The following MICAL3 variants were observed in gnomAD, a reference collection of about 807,000 sequenced individuals.
MICAL3 encodes the protein microtubule associated monooxygenase, calponin and LIM domain containing 3.
A neutral mutation model predicts 207.4 loss-of-function variants in MICAL3; 62 were observed. The ratio of observed to expected loss-of-function variants is 0.30; its 90% CI spans 0.24 to 0.37. The LOEUF is 0.37. Among genes scored for constraint, MICAL3 ranks in the 10% least tolerant of loss-of-function variants. MICAL3 has a pLI of 1.00. For missense variants in MICAL3, 2,368 were observed against 2,635.6 expected, an observed-to-expected ratio of 0.90 and a Z score of 2.22; for synonymous variants, 1,077 against 1,069.3, an observed-to-expected ratio of 1.01 and a Z score of -0.14.
chr22:17,816,028 G>C (rs1353581140), intron 27 of MICAL3, among the ~76,000 whole-genome samples: 1 of 152,252 alleles, frequency 6.6e-6, no homozygotes, highest in Non-Finnish European at 1.5e-5. Context: ...ACAGGCCCCA[G>C]GGCTGGACAG....
chr22:17,810,657 C>T, intron 28 of MICAL3, 46 bp downstream of exon 28: 2 of 1,481,086 alleles, frequency 1.4e-6, no homozygotes, highest in Non-Finnish European at 1.9e-6. Context: ...AGATGCTGCC[C>T]AACCCTCCCA....
At chr22:17,958,534 C>G (rs952042550) in intron 1 of MICAL3, among the ~76,000 whole-genome samples, 1 of 152,156 alleles carries the variant, frequency 6.6e-6, no homozygotes, top group Non-Finnish European at 1.5e-5. Context: ...GCTCCCCTAC[C>G]CCAAAAACCA....
intron 1 of MICAL3, among the ~76,000 whole-genome samples, chr22:17,933,759 TCAAA>T (rs1933384182): frequency 6.6e-6 from 1 of 151,458 alleles, no homozygotes; most frequent in South Asian, 2.1e-4. Context: ...GAGAGAAGAA[TCAAA>T]CAGACACAAT....
intron 29 of MICAL3, among the ~76,000 whole-genome samples, chr22:17,801,720 C>A (rs972976922): frequency 2.0e-5 from 3 of 151,838 alleles, no homozygotes; most frequent in Non-Finnish European, 4.4e-5. Context: ...ATGGTGAAAC[C>A]CCGTCTCTAC....
intron 1 of MICAL3, among the ~76,000 whole-genome samples, chr22:17,981,350 A>G (rs73392403): frequency 0.048 from 7,306 of 152,096 alleles, 569 homozygotes; most frequent in African/African-American, 0.17. Context: ...AAGGAATAAA[A>G]CAAAAGTGAA....
chr22:17,971,711 T>A (rs1243635366), intron 1 of MICAL3, among the ~76,000 whole-genome samples: 1 of 152,190 alleles, frequency 6.6e-6, no homozygotes, highest in Non-Finnish European at 1.5e-5. Context: ...AATATATAGA[T>A]ACATCCATAC....
At chr22:17,977,125 T>A (rs369224100) in intron 1 of MICAL3, among the ~76,000 whole-genome samples, 1 of 152,080 alleles carries the variant, frequency 6.6e-6, no homozygotes, top group East Asian at 1.9e-4. Context: ...AATAGAAACA[T>A]CTGAAAGCAC....
At chr22:17,913,858 T>C (rs1428787555) in intron 1 of MICAL3, among the ~76,000 whole-genome samples, 1 of 152,118 alleles carries the variant, frequency 6.6e-6, no homozygotes, top group Non-Finnish European at 1.5e-5. Flanking sequence ...GTCTGAATCA[T>C]AGCGAGGCAC....
Position 17,818,975 on chromosome 22 carries a change from G to A in MICAL3, c.3686C>T (p.Thr1229Ile), listed in dbSNP as rs1275734219. ...GACAGGAGTCCTAGCTTCTGGCAGG[G>A]TCACTGGCTGTGATCGGATGGGAGA... ...VHSPIRSQPV[T>I]LPEARTPVSP... The change falls in exon 26 of 32, where the codon ACC (threonine) becomes ATC (isoleucine). Residue 1229 changes from threonine to isoleucine, a missense_variant. Around this residue, in one of 4 missense-constraint regions of MICAL3, gnomAD observed 1,770 missense variants for 1,863.2 expected, o/e 0.95. Transcript: ENST00000441493. 1.2e-6 allele frequency: 2 copies of A among 1,608,300 alleles called. No individual in the cohort carries two copies. Among genetic ancestry groups the A allele is most frequent in the Non-Finnish European group, 1.7e-6 (2 of 1,177,546 alleles).
intron 16 of MICAL3, chr22:17,876,453 T>A (rs1278608418): frequency 6.6e-6 from 1 of 152,386 alleles, no homozygotes; most frequent in Non-Finnish European, 1.5e-5. Flanking sequence ...CGACATAGAC[T>A]GGCAGTTACC....
rs1444102833 is a variant in MICAL3 at position 17,893,859 on chromosome 22, C to T, written c.1495G>A (p.Glu499Lys). ...CGGGAATTCACCAGGCTCTCCATTT[C>T]CAGGTGAATATCTTTTGTTTCGCCA... ...DTGETKDIHL[E>K]MESLVNSRTT... is the part of the protein sequence containing the mutation. Residue 499 changes from glutamate (E) to lysine (K), a missense_variant, in exon 11 of 32, where the codon GAA (glutamate) becomes AAA (lysine). Glu to Lys is a moderately conservative substitution (Grantham distance 56). Around this residue, in one of 4 missense-constraint regions of MICAL3, gnomAD observed 147 missense variants for 137.7 expected, o/e 1.07. Coordinates refer to ENST00000441493, the MANE Select transcript of MICAL3 (RefSeq NM_015241.3). The T allele has an allele frequency of 6.4e-7, 1 of 1,574,432 alleles. No individual in the cohort carries two copies. Among genetic ancestry groups the T allele is most frequent in the Admixed American group, 1.8e-5 (1 of 54,678 alleles).
At chr22:17,987,058 C>T (rs769513056) in intron 1 of MICAL3, among the ~76,000 whole-genome samples, 2 of 151,698 alleles carry the variant, frequency 1.3e-5, no homozygotes, top group African/African-American at 2.4e-5. Flanking sequence ...GGCAACACAG[C>T]GAGACCCCAT....
At chr22:17,863,805 C>T in intron 19 of MICAL3, 2 of 985,466 alleles carry the variant, frequency 2.0e-6, no homozygotes, top group Non-Finnish European at 2.4e-6. Context: ...TCGTTGAAGG[C>T]CAAATGGGTA....
chr22:17,801,669 G>A (rs1601928568), intron 29 of MICAL3, among the ~76,000 whole-genome samples: 1 of 151,396 alleles, frequency 6.6e-6, no homozygotes, highest in African/African-American at 2.4e-5. Flanking sequence ...TGAGGCGGGC[G>A]GATCACCTGA....
intron 19 of MICAL3, among the ~76,000 whole-genome samples, chr22:17,850,710 C>A (rs1337479844): frequency 6.6e-6 from 1 of 152,026 alleles, no homozygotes; most frequent in Non-Finnish European, 1.5e-5. Context: ...CCGTGCCTGG[C>A]CGAGTTAGTT....
intron 27 of MICAL3, 82 bp from the exon 28 acceptor site, chr22:17,810,895 G>T: frequency 1.9e-6 from 2 of 1,079,264 alleles, no homozygotes. Flanking sequence ...CAGGGGCCTG[G>T]AGAGGTCTGT....
intron 1 of MICAL3, among the ~76,000 whole-genome samples, chr22:17,934,906 G>A (rs1933442546): frequency 2.0e-5 from 3 of 152,146 alleles, no homozygotes; most frequent in Non-Finnish European, 4.4e-5. Context: ...TACAAGGGAT[G>A]TGAAGGACCT....
At chr22:17,899,394 G>T in intron 7 of MICAL3, 54 bp downstream of exon 7, 1 of 1,127,126 alleles carries the variant, frequency 8.9e-7, no homozygotes. Context: ...TCTTTCTCTT[G>T]GTGATATTAA....
At chr22:18,013,224 T>C (rs528541301) in intron 1 of MICAL3, among the ~76,000 whole-genome samples, 1 of 152,382 alleles carries the variant, frequency 6.6e-6, no homozygotes, top group African/African-American at 2.4e-5. Flanking sequence ...TTCCAAGACC[T>C]GGCTGTTTGC....
Sources: gnomAD v4.1 joint callset for allele counts (sites outside exome capture counted in the v4.1 genomes callset) on GRCh38, gnomAD v4.1.1 for gene constraint, gnomAD v4.1.1 regional missense constraint, MANE v1.5 for transcripts, NCBI Gene and HGNC (gene_info 2026-07-23, HGNC 2026-07-21) for gene names.